The following CATSPERE variants were observed in gnomAD, a reference collection of about 807,000 sequenced individuals.
The protein encoded by CATSPERE is catsper channel auxiliary subunit epsilon, also known as cation channel sperm-associated auxiliary subunit epsilon.
Under a neutral mutation model 114.1 loss-of-function variants are expected in CATSPERE, and 93 were observed. The ratio of observed to expected loss-of-function variants is 0.81; its 90% CI spans 0.69 to 0.97. CATSPERE has a LOEUF of 0.97. Among genes scored for constraint, CATSPERE ranks in the 50% least tolerant of loss-of-function variants. CATSPERE has a pLI of 0.00. For synonymous variants in CATSPERE, 341 were observed against 384.1 expected, an observed-to-expected ratio of 0.89 and a Z score of 1.31; for missense variants, 1,058 against 1,131.6, an observed-to-expected ratio of 0.93 and a Z score of 0.93.
At chr1:244,537,134 G>A (rs1680508385) in intron 8 of CATSPERE, among the ~76,000 whole-genome samples, 1 of 151,602 alleles carries the variant, frequency 6.6e-6, no homozygotes, top group African/African-American at 2.4e-5. Flanking sequence ...TAGGAGGAGA[G>A]CATCTAGTTT....
At chr1:244,636,946 C>T (rs1297303329) in intron 21 of CATSPERE, among the ~76,000 whole-genome samples, 2 of 152,118 alleles carry the variant, frequency 1.3e-5, no homozygotes, top group Non-Finnish European at 2.9e-5. Flanking sequence ...TGCCCAGTGT[C>T]TCCATTCTGC....
At chr1:244,554,670 A>G (rs916506153) in intron 9 of CATSPERE, among the ~76,000 whole-genome samples, 9 of 152,282 alleles carry the variant, frequency 5.9e-5, no homozygotes, top group African/African-American at 1.9e-4. Context: ...GGCCATTTGT[A>G]TATCTTTTGA....
chr1:244,519,691 G>A (rs61844033), intron 8 of CATSPERE, among the ~76,000 whole-genome samples: 18,700 of 152,150 alleles, frequency 0.12, 1,248 homozygotes, highest in South Asian at 0.16. Flanking sequence ...ATGGGCTCTG[G>A]CCAACCACAA....
At chr1:244,595,382 T>A (rs1181292711) in intron 17 of CATSPERE, among the ~76,000 whole-genome samples, 1 of 152,084 alleles carries the variant, frequency 6.6e-6, no homozygotes, top group Non-Finnish European at 1.5e-5. Context: ...CACTGAGTCT[T>A]ATGGATAATG....
At chr1:244,455,117 A>G (rs1558289880) in intron 1 of CATSPERE, among the ~76,000 whole-genome samples, 1 of 152,276 alleles carries the variant, frequency 6.6e-6, no homozygotes, top group East Asian at 1.9e-4. Context: ...CACAATAGAA[A>G]CTGCTCAATA....
chr1:244,608,880 C>T (rs950394411), intron 18 of CATSPERE, among the ~76,000 whole-genome samples: 1 of 152,032 alleles, frequency 6.6e-6, no homozygotes, highest in African/African-American at 2.4e-5. Context: ...TTTATCCATG[C>T]CTGTGTCTGA....
chr1:244,561,707 A>AGAG (rs77335909), intron 10 of CATSPERE, among the ~76,000 whole-genome samples: 29,985 of 151,946 alleles, frequency 0.2, 4,420 homozygotes, highest in East Asian at 0.41. Flanking sequence ...GATAGATTTT[A>AGAG]GAGGTCAGAT....
chr1:244,610,252 C>T lies in CATSPERE; in HGVS notation c.2416C>T (p.His806Tyr). Residue 806 changes from histidine to tyrosine, a missense_variant, in exon 19 of 22, where the codon CAT (histidine) becomes TAT (tyrosine). Coordinates refer to ENST00000366534, the MANE Select transcript of CATSPERE (RefSeq NM_001130957.2). Reference protein sequence around the residue: ...NNTMAQSGCLHEAQTWKSMIE... With the variant: ...NNTMAQSGCLYEAQTWKSMIE... ...CATCTTTTGACAGAGTGGTTGTTTA[C>T]ATGAAGCACAGACATGGAAGTCAAT... 6.2e-7 allele frequency: 1 copy of T among 1,607,900 alleles called. No individual in the cohort carries two copies. The highest frequency in any genetic ancestry group is 8.5e-7 in the Non-Finnish European group (1 of 1,176,910).
chr1:244,620,669 C>G (rs572187343), intron 20 of CATSPERE, among the ~76,000 whole-genome samples: 38 of 152,106 alleles, frequency 2.5e-4, no homozygotes, highest in African/African-American at 8.9e-4. Context: ...CAGGGGAAAC[C>G]TTTCCTGTAC....
intron 17 of CATSPERE, among the ~76,000 whole-genome samples, chr1:244,601,112 T>C (rs1485523215): frequency 1.3e-5 from 2 of 152,072 alleles, no homozygotes; most frequent in Admixed American, 6.5e-5. Context: ...ATTCTAGACA[T>C]GAAAATGTAG....
intron 19 of CATSPERE, among the ~76,000 whole-genome samples, chr1:244,611,134 A>T (rs985028898): frequency 3.3e-5 from 5 of 152,078 alleles, no homozygotes; most frequent in African/African-American, 9.7e-5. Flanking sequence ...TCAAAATCTT[A>T]TTTATTTTCT....
At chr1:244,535,296 C>A (rs3005975) in intron 8 of CATSPERE, among the ~76,000 whole-genome samples, 1 of 152,044 alleles carries the variant, frequency 6.6e-6, no homozygotes, top group Non-Finnish European at 1.5e-5. Context: ...TAGGGCTCTA[C>A]AACCAGCAGG....
At chr1:244,605,895 C>A in intron 18 of CATSPERE, 101 bp downstream of exon 18, 3 of 715,010 alleles carry the variant, frequency 4.2e-6, no homozygotes, top group Non-Finnish European at 6.6e-6. Context: ...TAGAATAAGG[C>A]AGCAGTGGGT....
chr1:244,566,939 G>A (rs1315070752), intron 10 of CATSPERE, among the ~76,000 whole-genome samples: 1 of 151,918 alleles, frequency 6.6e-6, no homozygotes, highest in Non-Finnish European at 1.5e-5. Flanking sequence ...GCTTCATAGT[G>A]TCGATGGCCT....
At chr1:244,463,331 T>G (rs1667102455) in intron 1 of CATSPERE, among the ~76,000 whole-genome samples, 1 of 151,982 alleles carries the variant, frequency 6.6e-6, no homozygotes, top group South Asian at 2.1e-4. Context: ...TAGACGGGAA[T>G]TAAGAACCCT....
chr1:244,466,584 G>A (rs182012059), intron 2 of CATSPERE, among the ~76,000 whole-genome samples: 11 of 152,266 alleles, frequency 7.2e-5, no homozygotes, highest in African/African-American at 1.2e-4. Flanking sequence ...TTAAGGGAGC[G>A]TGTAGCAGTC....
chr1:244,589,737 G>A (rs1268459724), intron 14 of CATSPERE, among the ~76,000 whole-genome samples: 2 of 152,198 alleles, frequency 1.3e-5, no homozygotes, highest in East Asian at 1.9e-4. Flanking sequence ...TCTCAGGCCC[G>A]ATTTCCTTCT....
At chr1:244,572,920 C>CTGGAA in intron 11 of CATSPERE, 148 bp downstream of exon 11, 1 of 603,774 alleles carries the variant, frequency 1.7e-6, no homozygotes, top group Non-Finnish European at 2.6e-6. Context: ...ACACAATAAG[C>CTGGAA]CATTCATTCC....
At chr1:244,551,440 A>ATAAG (rs1660608215) in intron 8 of CATSPERE, among the ~76,000 whole-genome samples, 1 of 152,248 alleles carries the variant, frequency 6.6e-6, no homozygotes, top group Non-Finnish European at 1.5e-5. Flanking sequence ...AAATTTATGT[A>ATAAG]TATGTATGTA....
Sources: gnomAD v4.1 joint callset for allele counts (sites outside exome capture counted in the v4.1 genomes callset) on GRCh38, gnomAD v4.1.1 for gene constraint, MANE v1.5 for transcripts, NCBI Gene and HGNC (gene_info 2026-07-23, HGNC 2026-07-21) for gene names.